The following CNTN4 variants were observed in gnomAD, a reference collection of about 807,000 sequenced individuals.
The protein encoded by CNTN4 is contactin 4, also known as contactin-4.
In CNTN4, 77 loss-of-function variants were observed where a neutral mutation model predicts 122.5. That is an observed-to-expected ratio of 0.63 (90% CI 0.52 to 0.76). The LOEUF (loss-of-function observed/expected upper bound fraction) is 0.76. CNTN4 is among the 30% of genes least tolerant of loss of function. The pLI is 0.00. For synonymous variants in CNTN4, 512 were observed against 447.0 expected (o/e 1.15, Z -1.83); for missense variants, 1,256 against 1,259.1 (o/e 1.00, Z 0.04).
chr3:2,228,358 A>C (rs934101417), intron 2 of CNTN4, among the ~76,000 whole-genome samples: 1 of 151,898 alleles, frequency 6.6e-6, no homozygotes, highest in Admixed American at 6.5e-5. Context: ...TTCATTGTCC[A>C]TAAATAAAAC....
chr3:2,464,457 G>T (rs1050813485), intron 3 of CNTN4, among the ~76,000 whole-genome samples: 2 of 152,184 alleles, frequency 1.3e-5, no homozygotes, highest in African/African-American at 4.8e-5. Context: ...GAATGTTGAG[G>T]AAATAAAAAG....
chr3:2,476,286 G>A (rs1478047790), intron 3 of CNTN4, among the ~76,000 whole-genome samples: 2 of 152,172 alleles, frequency 1.3e-5, no homozygotes, highest in East Asian at 3.9e-4. Context: ...GAAGTGGAGT[G>A]AGCCAATGTC....
chr3:2,149,676 T>C (rs184356254), intron 2 of CNTN4, among the ~76,000 whole-genome samples: 88 of 152,308 alleles, frequency 5.8e-4, no homozygotes, highest in African/African-American at 2.0e-3. Context: ...AAGCTTGTGG[T>C]TTTTAAGAAT....
rs531615293 is a variant in CNTN4, at chr3:2,571,684, T to C, written c.55+126T>C. The C allele has an allele frequency of 1.9e-4, 143 of 739,426 alleles. No homozygotes were observed. In the African/African-American group the frequency reaches 2.2e-3, roughly 11 times the overall value. The allele number at this position is 739,426 out of a possible 1,614,324, so 45.8% of individuals were successfully genotyped here. Reference sequence around the variant, plus strand: ...AGAGTATATGCTGCTATGACTAGCATTTGCTGACACTGTTGAATATACCTT... The same window carrying C: ...AGAGTATATGCTGCTATGACTAGCACTTGCTGACACTGTTGAATATACCTT... On this transcript the variant is annotated intron_variant, in intron 4 of 24. Coordinates refer to ENST00000418658, the MANE Select transcript of CNTN4 (RefSeq NM_175607.3).
chr3:2,899,757 G>A (rs2094152982), intron 10 of CNTN4, among the ~76,000 whole-genome samples: 1 of 152,140 alleles, frequency 6.6e-6, no homozygotes, highest in Non-Finnish European at 1.5e-5. Context: ...ACTGTGGGCA[G>A]GACTTGATTT....
At chr3:2,919,849 A>G (rs1007570164) in intron 12 of CNTN4, among the ~76,000 whole-genome samples, 7 of 152,186 alleles carry the variant, frequency 4.6e-5, no homozygotes, top group Non-Finnish European at 1.0e-4. Context: ...TTATATAAGA[A>G]TTAATTTTAA....
chr3:2,619,187 CAT>C (rs2081897648), intron 4 of CNTN4, among the ~76,000 whole-genome samples: 1 of 152,172 alleles, frequency 6.6e-6, no homozygotes, highest in East Asian at 1.9e-4. Flanking sequence ...CTCAGAAGCA[CAT>C]ACTAAATAAG....
At chr3:2,514,480 A>T (rs958832571) in intron 3 of CNTN4, among the ~76,000 whole-genome samples, 2 of 152,300 alleles carry the variant, frequency 1.3e-5, no homozygotes, top group East Asian at 3.9e-4. Flanking sequence ...TTTAAAAAAA[A>T]AAAAATGAAT....
intron 24 of CNTN4, 52 bp from the exon 25 acceptor site, chr3:3,056,068 C>A: frequency 1.4e-6 from 2 of 1,427,550 alleles, no homozygotes; most frequent in Non-Finnish European, 2.0e-6. Context: ...GCCCCTCTTC[C>A]CTTTGAAGCC....
rs573763610 is a variant in CNTN4 at position 2,166,227 on chromosome 3, A to G, written c.-145+65588A>G. On this transcript the variant is annotated intron_variant, in intron 2 of 24. Transcript: ENST00000418658. ...CGTTTTCACCACATCCTTGCTCAACATTAGTATTCATCAGGGAAACGCAAA... is the reference window on the plus strand; with the variant it reads ...CGTTTTCACCACATCCTTGCTCAACGTTAGTATTCATCAGGGAAACGCAAA... Among the ~76,000 whole-genome samples the G allele has an allele frequency of 2.1e-4, 32 of 152,214 alleles. 1 individual carries two copies. The South Asian group carries it at 6.6e-3, about 32-fold the overall frequency.
Position 2,512,941 on chromosome 3 carries a change from G to C in CNTN4, c.-88-58475G>C, listed in dbSNP as rs185830039. On this transcript the variant is annotated intron_variant, in intron 3 of 24. Transcript: ENST00000418658. ...TCATTAGATTTGGTGGAGAGGAACTGTGCAAGAGAGAGAAGACTCAAAATA... is the reference window on the plus strand; with the variant it reads ...TCATTAGATTTGGTGGAGAGGAACTCTGCAAGAGAGAGAAGACTCAAAATA... Among the ~76,000 whole-genome samples, 6 of 152,284 alleles carry C rather than the reference G, an allele frequency of 3.9e-5. No individual in the cohort carries two copies. In the East Asian group the frequency reaches 1.2e-3, roughly 29 times the overall value.
chr3:3,017,568 G>A (rs1697873432), intron 14 of CNTN4, among the ~76,000 whole-genome samples: 1 of 152,198 alleles, frequency 6.6e-6, no homozygotes, highest in South Asian at 2.1e-4. Context: ...CCAGATTTGA[G>A]ACCTTTAAAG....
intron 8 of CNTN4, among the ~76,000 whole-genome samples, chr3:2,881,284 A>G (rs2093906578): frequency 6.6e-6 from 1 of 152,130 alleles, no homozygotes; most frequent in Admixed American, 6.5e-5. Context: ...AGGCCGAGGC[A>G]GACAGATCAC....
rs7652776 is a variant in CNTN4, at chr3:2,699,340, G to A, written c.56-36875G>A. 2.2e-4 allele frequency among the ~76,000 whole-genome samples: 33 copies of A among 151,916 alleles called. No individual in the cohort carries two copies. In the South Asian group the frequency reaches 2.3e-3, roughly 11 times the overall value. On this transcript the variant is annotated intron_variant, in intron 4 of 24. Transcript: ENST00000418658. ...CTAGGCACCTGGCTGTTCTCCACTC[G>A]GTTCCTTCCTGAATGTTGCGCTAGA... is the stretch of plus-strand genomic sequence containing the variant.
At chr3:2,475,488 TAG>T (rs1189022431) in intron 3 of CNTN4, among the ~76,000 whole-genome samples, 1 of 152,170 alleles carries the variant, frequency 6.6e-6, no homozygotes, top group East Asian at 1.9e-4. Context: ...ATAGAAGCAA[TAG>T]ACTGATTTTC....
intron 3 of CNTN4, among the ~76,000 whole-genome samples, chr3:2,489,547 G>C (rs907196967): frequency 6.6e-6 from 1 of 152,204 alleles, no homozygotes; most frequent in African/African-American, 2.4e-5. Flanking sequence ...ACAATGTTCT[G>C]AGGAATTAAG....
intron 6 of CNTN4, among the ~76,000 whole-genome samples, chr3:2,812,631 G>A (rs929814610): frequency 1.4e-4 from 21 of 151,568 alleles, no homozygotes; most frequent in African/African-American, 4.4e-4. Flanking sequence ...TACTTTATCC[G>A]GTGGAAGTTC....
intron 2 of CNTN4, among the ~76,000 whole-genome samples, chr3:2,137,253 TTTCATA>T (rs753093087): frequency 1.4e-4 from 21 of 152,204 alleles, no homozygotes; most frequent in Non-Finnish European, 1.6e-4. Context: ...TAGTGGCACA[TTTCATA>T]TTGCTCTACT....
intron 2 of CNTN4, among the ~76,000 whole-genome samples, chr3:2,264,175 T>C (rs1233301746): frequency 1.3e-5 from 2 of 152,172 alleles, no homozygotes; most frequent in Non-Finnish European, 2.9e-5. Flanking sequence ...TTTGTAGTTT[T>C]TTGAGGAAAC....
Sources: gnomAD v4.1 joint callset for allele counts (sites outside exome capture counted in the v4.1 genomes callset) on GRCh38, gnomAD v4.1.1 for gene constraint, MANE v1.5 for transcripts, NCBI Gene and HGNC (gene_info 2026-07-23, HGNC 2026-07-21) for gene names.